Variants in NAALADL2 observed in about 807,000 individuals in gnomAD.
The protein encoded by NAALADL2 is inactive N-acetylated-alpha-linked acidic dipeptidase-like protein 2.
Under a neutral mutation model 87.2 loss-of-function variants are expected in NAALADL2, and 76 were observed. The observed-to-expected ratio is 0.87, with a 90% confidence interval of 0.72 to 1.05. The LOEUF (loss-of-function observed/expected upper bound fraction) is 1.05, where lower values mean the gene tolerates loss of function less well. Among genes scored for constraint, NAALADL2 ranks in the 50% least tolerant of loss-of-function variants. The pLI is 0.00. For synonymous variants in NAALADL2, 354 were observed against 331.0 expected (o/e 1.07, Z -0.75); for missense variants, 1,089 against 945.8 (o/e 1.15, Z -1.99).
rs151262200 is a variant in NAALADL2, at chr3:174,687,135, C to T, written c.-114-50506C>T. ...TCTGAGTTTATCTCCTAATCCTCTCCACCAACTTTTCTCATTTCTTTATCA... is the reference window on the plus strand; with the variant it reads ...TCTGAGTTTATCTCCTAATCCTCTCTACCAACTTTTCTCATTTCTTTATCA... On this transcript the variant is annotated intron_variant, in intron 2 of 3. Coordinates refer to the NAALADL2 transcript ENST00000434257. Among the ~76,000 whole-genome samples the T allele has an allele frequency of 1.2e-3, 177 of 152,210 alleles. 1 individual carries two copies. Among genetic ancestry groups the T allele is most frequent in the African/African-American group, 4.1e-3 (170 of 41,552 alleles).
chr3:175,631,841 G>T (rs1727807204), intron 11 of NAALADL2, among the ~76,000 whole-genome samples: 1 of 151,818 alleles, frequency 6.6e-6, no homozygotes, highest in African/African-American at 2.4e-5. Context: ...GAATTTTCTA[G>T]TTATGTTTCT....
intron 3 of NAALADL2, among the ~76,000 whole-genome samples, chr3:174,782,529 C>T (rs1347127614): frequency 1.3e-5 from 2 of 152,036 alleles, no homozygotes; most frequent in African/African-American, 2.4e-5. Context: ...ATATTAAATA[C>T]ATATGTAGCA....
chr3:175,494,850 A>G (rs1582125837), intron 9 of NAALADL2, among the ~76,000 whole-genome samples: 1 of 152,006 alleles, frequency 6.6e-6, no homozygotes, highest in East Asian at 1.9e-4. Context: ...TGTCTTTTCC[A>G]GAGCAAGAGG....
Position 175,066,032 on chromosome 3 carries a change from C to T in NAALADL2, c.44-30758C>T, listed in dbSNP as rs549541589. ...GTGTAACCGAATGCACTTTGAGATT[C>T]AACCAGTTAGCCCCTTCAGTGTCTG... On this transcript the variant is annotated intron_variant, in intron 1 of 13. Coordinates refer to ENST00000454872, the MANE Select transcript of NAALADL2 (RefSeq NM_207015.3). Among the ~76,000 whole-genome samples, 4 of 152,220 alleles carry T rather than the reference C, an allele frequency of 2.6e-5. No individual in the cohort carries two copies. In the East Asian group the frequency reaches 7.8e-4, roughly 30 times the overall value.
intron 3 of NAALADL2, among the ~76,000 whole-genome samples, chr3:174,763,474 C>G (rs2109080148): frequency 6.7e-6 from 1 of 149,866 alleles, no homozygotes; most frequent in Non-Finnish European, 1.5e-5. Flanking sequence ...GTAATCCCAG[C>G]TACTTGGGAG....
chr3:174,446,046 A>G (rs1715027454), intron 1 of NAALADL2, among the ~76,000 whole-genome samples: 1 of 152,154 alleles, frequency 6.6e-6, no homozygotes, highest in Non-Finnish European at 1.5e-5. Flanking sequence ...TGACATTTTG[A>G]TCTGAGCAGT....
intron 2 of NAALADL2, among the ~76,000 whole-genome samples, chr3:174,624,499 C>T (rs1167705475): frequency 6.6e-6 from 1 of 151,970 alleles, no homozygotes; most frequent in East Asian, 1.9e-4. Context: ...TGGTACACAC[C>T]TGTAATCCCA....
intron 1 of NAALADL2, among the ~76,000 whole-genome samples, chr3:174,498,535 C>G (rs1452420325): frequency 6.6e-6 from 1 of 151,032 alleles, no homozygotes; most frequent in Non-Finnish European, 1.5e-5. Flanking sequence ...TAGACCTGTG[C>G]TTTTATTTCT....
intron 2 of NAALADL2, among the ~76,000 whole-genome samples, chr3:174,616,076 A>G (rs1173993270): frequency 6.6e-6 from 1 of 152,028 alleles, no homozygotes; most frequent in Non-Finnish European, 1.5e-5. Flanking sequence ...TTCTACTGAA[A>G]GAGTACCTAA....
chr3:174,835,937 G>A (rs955729763), intron 3 of NAALADL2, among the ~76,000 whole-genome samples: 13 of 152,148 alleles, frequency 8.5e-5, no homozygotes, highest in East Asian at 7.7e-4. Context: ...ACAGAAAACG[G>A]TATGGTGGTT....
chr3:175,011,853 G>A (rs1445067288), intron 1 of NAALADL2, among the ~76,000 whole-genome samples: 1 of 152,080 alleles, frequency 6.6e-6, no homozygotes, highest in Non-Finnish European at 1.5e-5. Flanking sequence ...GTGAATCAGG[G>A]TGGGATTATT....
chr3:175,088,388 G>A (rs559529156), intron 1 of NAALADL2, among the ~76,000 whole-genome samples: 2 of 152,170 alleles, frequency 1.3e-5, no homozygotes, highest in East Asian at 3.9e-4. Context: ...TCTTTCCCAC[G>A]ACTTAACCAC....
intron 3 of NAALADL2, among the ~76,000 whole-genome samples, chr3:174,786,065 C>G (rs1716603583): frequency 6.6e-6 from 1 of 152,006 alleles, no homozygotes; most frequent in Admixed American, 6.6e-5. Flanking sequence ...ACCAAAAGGC[C>G]AGGGCACAGC....
intron 1 of NAALADL2, among the ~76,000 whole-genome samples, chr3:174,951,989 CT>C (rs887730424): frequency 2.6e-5 from 4 of 152,184 alleles, no homozygotes; most frequent in African/African-American, 9.6e-5. Context: ...TCTGAACATG[CT>C]TTTTCTCTTA....
chr3:175,531,307 A>G (rs997954651), intron 9 of NAALADL2, among the ~76,000 whole-genome samples: 1 of 152,162 alleles, frequency 6.6e-6, no homozygotes, highest in Non-Finnish European at 1.5e-5. Flanking sequence ...GGCCAAATGC[A>G]GCAGCTTATC....
At chr3:175,461,137 C>T (rs1459681718) in intron 6 of NAALADL2, among the ~76,000 whole-genome samples, 1 of 151,826 alleles carries the variant, frequency 6.6e-6, no homozygotes, top group Admixed American at 6.6e-5. Context: ...CATTTACAAT[C>T]CTTTAGCTAG....
chr3:174,604,867 C>T (rs558915386), intron 2 of NAALADL2, among the ~76,000 whole-genome samples: 1 of 151,782 alleles, frequency 6.6e-6, no homozygotes, highest in Non-Finnish European at 1.5e-5. Context: ...CTCCCAGGTT[C>T]AAGTGATTCT....
Position 175,547,754 on chromosome 3 carries a change from A to G in NAALADL2, c.1654-28287A>G, listed in dbSNP as rs540352275. Among the ~76,000 whole-genome samples the G allele has an allele frequency of 5.3e-5, 8 of 152,242 alleles. No individual in the cohort carries two copies. In the East Asian group the frequency reaches 1.2e-3, roughly 22 times the overall value. On this transcript the variant is annotated intron_variant, in intron 9 of 13. Coordinates refer to ENST00000454872, the MANE Select transcript of NAALADL2 (RefSeq NM_207015.3). ...AAAGTAGTGGGCAGAGGTCACAGAC[A>G]CTTTTCAAAAGAAGACATACATGTG...
chr3:175,592,538 AC>A (rs1200452359), intron 10 of NAALADL2, among the ~76,000 whole-genome samples: 1 of 152,040 alleles, frequency 6.6e-6, no homozygotes, highest in African/African-American at 2.4e-5. Context: ...TGTTTTATAC[AC>A]CATGGAATAC....
Sources: allele counts gnomAD v4.1 joint callset (sites outside exome capture counted in the v4.1 genomes callset), GRCh38; gene constraint gnomAD v4.1.1; transcripts MANE v1.5; gene names NCBI Gene and HGNC (gene_info 2026-07-23, HGNC 2026-07-21).